The following CNST variants were observed in gnomAD, a reference collection of about 807,000 sequenced individuals.
CNST encodes consortin.
In CNST, 39 loss-of-function variants were observed where a neutral mutation model predicts 72.4. The ratio of observed to expected loss-of-function variants is 0.54; its 90% CI spans 0.42 to 0.70. CNST has a LOEUF of 0.70. Among genes scored for constraint, CNST ranks in the 30% least tolerant of loss-of-function variants. CNST has a pLI of 0.00. For synonymous variants in CNST, 332 were observed against 320.1 expected, an observed-to-expected ratio of 1.04 and a Z score of -0.40; for missense variants, 871 against 868.5, an observed-to-expected ratio of 1.00 and a Z score of -0.04.
chr1:246,625,203 C>T (rs1664334173), intron 3 of CNST, among the ~76,000 whole-genome samples: 1 of 152,094 alleles, frequency 6.6e-6, no homozygotes, highest in South Asian at 2.1e-4. Flanking sequence ...TTCTGTGCAA[C>T]TGTTTTCCCC....
chr1:246,604,364 G>A (rs1310887053), intron 2 of CNST, among the ~76,000 whole-genome samples: 2 of 152,176 alleles, frequency 1.3e-5, no homozygotes, highest in Non-Finnish European at 2.9e-5. Context: ...AATGGAAATT[G>A]ATGTAACAAT....
chr1:246,606,282 C>T (rs377206667), intron 2 of CNST: 13 of 151,954 alleles, frequency 8.6e-5, no homozygotes, highest in East Asian at 3.9e-4. Flanking sequence ...TCCCTACCAG[C>T]GTTTTAAATC....
At chr1:246,579,687 G>A (rs182276562) in intron 1 of CNST, among the ~76,000 whole-genome samples, 1 of 152,214 alleles carries the variant, frequency 6.6e-6, no homozygotes, top group East Asian at 1.9e-4. Context: ...CCTGGGAGGC[G>A]GAGGTTGCAG....
At chr1:246,652,814 C>G (rs919478316) in intron 9 of CNST, among the ~76,000 whole-genome samples, 8 of 150,806 alleles carry the variant, frequency 5.3e-5, no homozygotes, top group Non-Finnish European at 1.0e-4. Flanking sequence ...ACCATCCTGG[C>G]TAACACGGTG....
At chr1:246,618,788 A>G (rs1281387454) in intron 2 of CNST, among the ~76,000 whole-genome samples, 1 of 152,226 alleles carries the variant, frequency 6.6e-6, no homozygotes, top group Non-Finnish European at 1.5e-5. Flanking sequence ...TGGATCAAGC[A>G]GGAAACTTGA....
chr1:246,627,479 A>G (rs201189831), intron 3 of CNST, among the ~76,000 whole-genome samples: 1 of 152,196 alleles, frequency 6.6e-6, no homozygotes, highest in African/African-American at 2.4e-5. Flanking sequence ...AAAACAAGGG[A>G]GTAAACCAAG....
intron 1 of CNST, among the ~76,000 whole-genome samples, chr1:246,573,587 AGGGATTGCCC>A (rs542195347): frequency 4.7e-4 from 72 of 152,260 alleles, no homozygotes; most frequent in African/African-American, 1.7e-3. Context: ...GGGAAAACCT[AGGGATTGCCC>A]GGTGAATGCC....
chr1:246,567,518 T>C (rs563427726), intron 1 of CNST, among the ~76,000 whole-genome samples: 1 of 152,314 alleles, frequency 6.6e-6, no homozygotes, highest in African/African-American at 2.4e-5. Flanking sequence ...TCCTTTCTGC[T>C]TACTCTACTG....
Position 246,647,590 on chromosome 1 carries a change from A to G in CNST, c.1389A>G (p.Pro463=), listed in dbSNP as rs377662529. Residue 463 remains proline (P), a synonymous_variant, in exon 9 of 11, where the codon CCA becomes CCG. Transcript: ENST00000366513. ...CTCAGAGGAAAGAACTCCGTTTGCC[A>G]CTTCGGGATGCTTCTGAGGCGTTGC... ...SQAQRKELRL[P]LRDASEALPT... The G allele has an allele frequency of 1.2e-6, 2 of 1,614,228 alleles. No individual in the cohort carries two copies. Among genetic ancestry groups the G allele is most frequent in the South Asian group, 2.2e-5 (2 of 91,076 alleles).
chr1:246,621,573 CA>C lies in CNST; in HGVS notation c.525del (p.Ile177TyrfsTer20). 1 of 1,614,170 alleles carries C rather than the reference CA, an allele frequency of 6.2e-7. No homozygotes were observed. The highest frequency in any genetic ancestry group is 8.5e-7 in the Non-Finnish European group (1 of 1,180,012). On this transcript the variant is annotated frameshift_variant, in exon 3 of 11. Transcript: ENST00000366513. LOFTEE classifies it high-confidence loss of function. ...APKLVLQSLFSLIRGEVEQLD... is the reference protein window; with the variant it reads ...APKLVLQSLFXLIRGEVEQLD... ...AAGCTTGTTCTGCAGTCTCTGTTTT[CA>C]CTTATACGAGGTGAAGTTGAGCAGT... is the stretch of plus-strand genomic sequence containing the variant.
At chr1:246,650,676 C>T (rs1231540418) in intron 9 of CNST, among the ~76,000 whole-genome samples, 6 of 127,644 alleles carry the variant, frequency 4.7e-5, no homozygotes, top group Non-Finnish European at 6.4e-5. Context: ...TTAATTCAAA[C>T]TTTTTTTTTT....
chr1:246,664,297 T>A (rs577777314), intron 10 of CNST, among the ~76,000 whole-genome samples: 1 of 152,362 alleles, frequency 6.6e-6, no homozygotes, highest in Non-Finnish European at 1.5e-5. Flanking sequence ...ATATTTGTTG[T>A]GCAGAACTGT....
chr1:246,663,475 T>C (rs777336443), intron 10 of CNST, among the ~76,000 whole-genome samples: 2 of 152,156 alleles, frequency 1.3e-5, no homozygotes, highest in East Asian at 1.9e-4. Flanking sequence ...GCGTGGTGGC[T>C]TATGCCTGTA....
At chr1:246,583,323 C>T (rs933831996) in intron 1 of CNST, among the ~76,000 whole-genome samples, 1 of 152,172 alleles carries the variant, frequency 6.6e-6, no homozygotes, top group Non-Finnish European at 1.5e-5. Context: ...CAAATATTCA[C>T]GCATTACACC....
At position 246,578,540 on chromosome 1, in the gene CNST, A is replaced by G. The variant is rs980828712; in HGVS notation, c.-52+11877A>G. ...CAAAAAATTAGCTGGGTGTGGTGGC[A>G]CGTGCCTGTAGTCCCAGCTACTCGG... On this transcript the variant is annotated intron_variant, in intron 1 of 10. Transcript: ENST00000366513. 1.6e-3 allele frequency among the ~76,000 whole-genome samples: 245 copies of G among 151,082 alleles called. 5 individuals carry two copies. The highest frequency in any genetic ancestry group is 5.1e-3 in the African/African-American group (205 of 40,474).
Position 246,574,938 on chromosome 1 carries a change from C to G in CNST, c.-52+8275C>G, listed in dbSNP as rs12026249. 3.1e-3 allele frequency among the ~76,000 whole-genome samples: 466 copies of G among 151,794 alleles called. 10 individuals carry two copies. The East Asian group carries it at 0.056, about 18-fold the overall frequency. Reference sequence around the variant, plus strand: ...ATTATGAAGGAAAGTCATAGTGAGTCAAAGAACAAATCTGAACAAATCTTC... The same window carrying G: ...ATTATGAAGGAAAGTCATAGTGAGTGAAAGAACAAATCTGAACAAATCTTC... On this transcript the variant is annotated intron_variant, in intron 1 of 10. Coordinates refer to ENST00000366513, the MANE Select transcript of CNST (RefSeq NM_152609.3).
chr1:246,590,009 A>T (rs1661443673), intron 1 of CNST, among the ~76,000 whole-genome samples: 1 of 152,086 alleles, frequency 6.6e-6, no homozygotes, highest in South Asian at 2.1e-4. Context: ...TAGATTCTGG[A>T]CATTAGCCCT....
intron 3 of CNST, among the ~76,000 whole-genome samples, chr1:246,623,047 T>C (rs538119052): frequency 1.2e-4 from 19 of 152,200 alleles, no homozygotes; most frequent in Middle Eastern, 3.4e-3. Flanking sequence ...GGTTTCAAAC[T>C]CCTGACCTCA....
At chr1:246,638,560 A>G (rs1665459106) in intron 6 of CNST, among the ~76,000 whole-genome samples, 1 of 152,156 alleles carries the variant, frequency 6.6e-6, no homozygotes, top group African/African-American at 2.4e-5. Context: ...ATATATGTTC[A>G]TTTGTTGTCC....
Sources: gnomAD v4.1 joint callset for allele counts (sites outside exome capture counted in the v4.1 genomes callset) on GRCh38, gnomAD v4.1.1 for gene constraint, MANE v1.5 for transcripts, NCBI Gene and HGNC (gene_info 2026-07-23, HGNC 2026-07-21) for gene names.